Variants in CEP89 observed in about 807,000 individuals in gnomAD.
CEP89 encodes centrosomal protein of 89 kDa.
CEP89 carries 95 observed loss-of-function variants against 97.6 expected under a neutral mutation model. That is an observed-to-expected ratio of 0.97 (90% confidence interval 0.82 to 1.15). The LOEUF is 1.15. Among genes scored for constraint, CEP89 ranks in the 50% most tolerant of loss-of-function variants. The probability of loss-of-function intolerance (pLI) is 0.00; values close to 1 mark genes in which losing one functional copy is unlikely to be tolerated. For missense variants in CEP89, 869 were observed against 947.7 expected, an observed-to-expected ratio of 0.92 and a Z score of 1.09; for synonymous variants, 354 against 349.1, an observed-to-expected ratio of 1.01 and a Z score of -0.16.
chr19:32,926,224 ATCATATCT>A lies in CEP89; in HGVS notation c.1122_1129del (p.Glu374AspfsTer19). ...GGCATTGAGCTCGTCCTTCTCTTTC[ATCATATCT>A]TCATAAGCCAGCAACAATGGTGACA... On this transcript the variant is annotated frameshift_variant, in exon 11 of 19. Coordinates refer to ENST00000305768, the MANE Select transcript of CEP89 (RefSeq NM_032816.5). LOFTEE classifies it high-confidence loss of function. The A allele has an allele frequency of 6.2e-7, 1 of 1,613,836 alleles. No individual in the cohort carries two copies. The highest frequency in any genetic ancestry group is 1.3e-5 in the African/African-American group (1 of 75,028).
At chr19:32,905,964 C>A (rs1011840470) in intron 14 of CEP89, among the ~76,000 whole-genome samples, 5 of 152,196 alleles carry the variant, frequency 3.3e-5, no homozygotes, top group Admixed American at 2.0e-4. Context: ...AGCCACCATG[C>A]CTGGCCTAAG....
chr19:32,948,525 C>T (rs1314564002), intron 4 of CEP89, among the ~76,000 whole-genome samples, 157 bp from the exon 5 acceptor site: 1 of 152,144 alleles, frequency 6.6e-6, no homozygotes, highest in Admixed American at 6.6e-5. Flanking sequence ...ACACAAAAGG[C>T]GTATATCAGG....
chr19:32,893,268 T>A (rs897846624), intron 16 of CEP89, among the ~76,000 whole-genome samples: 7 of 152,042 alleles, frequency 4.6e-5, no homozygotes, highest in Admixed American at 3.9e-4. Context: ...AAACAAACTT[T>A]AAGTCAAAAA....
intron 16 of CEP89, among the ~76,000 whole-genome samples, chr19:32,891,366 C>CACAT (rs1282761439): frequency 1.3e-5 from 2 of 152,128 alleles, no homozygotes; most frequent in Non-Finnish European, 1.5e-5. Context: ...CACACACACA[C>CACAT]ACACACATAC....
At chr19:32,965,727 G>T (rs1971267830) in intron 2 of CEP89, among the ~76,000 whole-genome samples, 1 of 146,696 alleles carries the variant, frequency 6.8e-6, no homozygotes, top group Non-Finnish European at 1.5e-5. Context: ...AAAAAAAAAA[G>T]AAAATGGGCT....
Position 32,960,123 on chromosome 19 carries a change from G to A in CEP89, c.147-65C>T, listed in dbSNP as rs533154078. ...ACATTCCAGGTGAATGCTGAACAAGGTACATAAACTCATCAAGGCTTACCT... is the reference window on the plus strand; with the variant it reads ...ACATTCCAGGTGAATGCTGAACAAGATACATAAACTCATCAAGGCTTACCT... On this transcript the variant is annotated intron_variant, in intron 2 of 18. Coordinates refer to ENST00000305768, the MANE Select transcript of CEP89 (RefSeq NM_032816.5). 1.6e-5 allele frequency: 25 copies of A among 1,558,404 alleles called. No individual in the cohort carries two copies. In the Admixed American group the frequency reaches 2.1e-4, roughly 13 times the overall value.
At chr19:32,960,250 T>C (rs1159973995) in intron 2 of CEP89, among the ~76,000 whole-genome samples, 192 bp from the exon 3 acceptor site, 17 of 152,170 alleles carry the variant, frequency 1.1e-4, no homozygotes, top group Non-Finnish European at 1.5e-5. Context: ...TGACTACATA[T>C]TATTGTCATC....
intron 5 of CEP89, among the ~76,000 whole-genome samples, chr19:32,948,028 A>G (rs1278289602): frequency 6.6e-6 from 1 of 152,042 alleles, no homozygotes; most frequent in Non-Finnish European, 1.5e-5. Context: ...GCTGCTTTCA[A>G]ATTCTTGAGC....
chr19:32,915,225 G>A, intron 14 of CEP89, 112 bp downstream of exon 14: 1 of 953,656 alleles, frequency 1.0e-6, no homozygotes, highest in East Asian at 2.8e-5. Flanking sequence ...TTGAGAGGCT[G>A]GGATGGGCAG....
intron 15 of CEP89, 116 bp downstream of exon 15, chr19:32,901,129 G>A (rs551244250): frequency 2.8e-5 from 26 of 944,910 alleles, no homozygotes; most frequent in African/African-American, 8.3e-5. Context: ...TCAAATGATC[G>A]CCTGCCTCAG....
rs1418811804 is a variant in CEP89, at chr19:32,935,141, G to C, written c.668-1472C>G. On this transcript the variant is annotated intron_variant, in intron 7 of 18. Coordinates refer to ENST00000305768, the MANE Select transcript of CEP89 (RefSeq NM_032816.5). ...TGAGGGCAGAAAGGCAGGGCAGGGG[G>C]CTGGAGAAAGCCAGGAGGAAGAGGG... is the stretch of plus-strand genomic sequence containing the variant. Among the ~76,000 whole-genome samples the C allele has an allele frequency of 2.0e-5, 3 of 152,134 alleles. No homozygotes were observed. The East Asian group carries it at 5.8e-4, about 29-fold the overall frequency.
At chr19:32,915,580 G>T in intron 13 of CEP89, 63 bp from the exon 14 acceptor site, 3 of 1,371,280 alleles carry the variant, frequency 2.2e-6, no homozygotes, top group Non-Finnish European at 3.1e-6. Context: ...ACAATTATGG[G>T]CTATTAGGAA....
At chr19:32,948,891 A>AT (rs948511346) in intron 4 of CEP89, among the ~76,000 whole-genome samples, 39 of 150,376 alleles carry the variant, frequency 2.6e-4, no homozygotes, top group African/African-American at 8.1e-4. Context: ...CAACCAGGTA[A>AT]TTTTTTTTTT....
chr19:32,935,332 GAGGT>G, intron 7 of CEP89, among the ~76,000 whole-genome samples: 1 of 152,190 alleles, frequency 6.6e-6, no homozygotes, highest in Non-Finnish European at 1.5e-5. Context: ...GAGACCCCAA[GAGGT>G]ATCAAACAGC....
chr19:32,900,384 T>C (rs2145887120), intron 15 of CEP89, among the ~76,000 whole-genome samples: 1 of 151,974 alleles, frequency 6.6e-6, no homozygotes, highest in South Asian at 2.1e-4. Context: ...TAGTTGGGAT[T>C]AGAGGCATGC....
chr19:32,953,788 T>C lies in CEP89; in HGVS notation c.319A>G (p.Ser107Gly). The change falls in exon 4 of 19, where the codon AGT (serine) becomes GGT (glycine). Residue 107 changes from serine (S) to glycine (G), a missense_variant. Ser to Gly is a moderately conservative substitution (Grantham distance 56). Transcript: ENST00000305768. ...AAAGAAGATCTTCTTCCCATCTCAC[T>C]CTGCCAATTTGGCCTGTATTAGAAT... ...SQLRPRPNWQ[S>G]EMGRRSSLPS... is the part of the protein sequence containing the mutation. 1 of 1,613,338 alleles carries C rather than the reference T, an allele frequency of 6.2e-7. No homozygotes were observed. The highest frequency in any genetic ancestry group is 1.3e-5 in the African/African-American group (1 of 74,958).
intron 2 of CEP89, among the ~76,000 whole-genome samples, chr19:32,960,949 T>C (rs974357397): frequency 6.6e-6 from 1 of 151,910 alleles, no homozygotes; most frequent in Non-Finnish European, 1.5e-5. Context: ...GCTGAGAGAA[T>C]GTGTAGGATA....
intron 12 of CEP89, among the ~76,000 whole-genome samples, chr19:32,921,013 T>C (rs113667461): frequency 0.052 from 7,686 of 148,728 alleles, 243 homozygotes; most frequent in South Asian, 0.15. Flanking sequence ...AGGTCAGGAG[T>C]TGGAGACCAG....
intron 7 of CEP89, 21 bp from the exon 8 acceptor site, chr19:32,933,690 A>G: frequency 6.9e-7 from 1 of 1,446,840 alleles, no homozygotes; most frequent in Non-Finnish European, 9.7e-7. Flanking sequence ...TCAGGGGAAA[A>G]TTTTACAATG....
Sources: allele counts gnomAD v4.1 joint callset (sites outside exome capture counted in the v4.1 genomes callset), GRCh38; gene constraint gnomAD v4.1.1; transcripts MANE v1.5; gene names NCBI Gene and HGNC (gene_info 2026-07-23, HGNC 2026-07-21).